ITFG1: variants seen among roughly 807,000 people sequenced by gnomAD.
The protein encoded by ITFG1 is T-cell immunomodulatory protein.
Under a neutral mutation model 81.8 loss-of-function variants are expected in ITFG1, and 34 were observed. The ratio of observed to expected loss-of-function variants is 0.42; its 90% CI spans 0.32 to 0.55. The LOEUF (loss-of-function observed/expected upper bound fraction) is 0.55. Ranked by LOEUF, ITFG1 falls within the 20% of genes least tolerant of loss-of-function variation. ITFG1 has a pLI of 0.17. For synonymous variants in ITFG1, 285 were observed against 270.6 expected (o/e 1.05, Z -0.52); for missense variants, 672 against 755.4 (o/e 0.89, Z 1.29).
chr16:47,255,729 A>G lies in ITFG1; in HGVS notation c.1330+2903T>C, dbSNP rs186641403. Among the ~76,000 whole-genome samples the G allele has an allele frequency of 3.7e-4, 56 of 152,280 alleles. No homozygotes were observed. The East Asian group carries it at 0.011, about 29-fold the overall frequency. The stretch of plus-strand genomic sequence containing the variant: ...GTTAGGCACCCAGCAATCAAAGACA[A>G]ATAAGACAGAGGCTGCTCTTAAGTT... On this transcript the variant is annotated intron_variant, in intron 12 of 17. Transcript: ENST00000320640.
intron 8 of ITFG1, among the ~76,000 whole-genome samples, chr16:47,340,830 C>A (rs1346774912): frequency 6.6e-6 from 1 of 151,826 alleles, no homozygotes; most frequent in Non-Finnish European, 1.5e-5. Flanking sequence ...GGCAACAATG[C>A]CGGAGAGGTT....
In ITFG1 at chr16:47,381,319, T is replaced by A. The variant is rs558007043; in HGVS notation, c.656-5379A>T. Among the ~76,000 whole-genome samples, 9 of 152,344 alleles carry A rather than the reference T, an allele frequency of 5.9e-5. No individual in the cohort carries two copies. In the South Asian group the frequency reaches 1.9e-3, roughly 32 times the overall value. On this transcript the variant is annotated intron_variant, in intron 6 of 17. Coordinates refer to ENST00000320640, the MANE Select transcript of ITFG1 (RefSeq NM_030790.5). ...GAAAATTGTGATTTCAGGCACTATA[T>A]CCTTCAGTGTGATGTCTCAAGTTTT...
At chr16:47,156,685 G>C (rs12051064) in intron 17 of ITFG1, among the ~76,000 whole-genome samples, 52,800 of 152,084 alleles carry the variant, frequency 0.35, 11,438 homozygotes, top group East Asian at 0.74. Context: ...TGAAAAGACA[G>C]GGAAAGCATT....
At chr16:47,438,982 G>A (rs1317220774) in intron 5 of ITFG1, among the ~76,000 whole-genome samples, 1 of 152,110 alleles carries the variant, frequency 6.6e-6, no homozygotes, top group African/African-American at 2.4e-5. Context: ...ATGCAGAGAA[G>A]CCCTTAAAGG....
At chr16:47,397,393 A>G (rs1170963180) in intron 6 of ITFG1, among the ~76,000 whole-genome samples, 1 of 152,206 alleles carries the variant, frequency 6.6e-6, no homozygotes, top group African/African-American at 2.4e-5. Flanking sequence ...CAGAGTGGCT[A>G]ACAAGATAAG....
At chr16:47,214,013 C>A (rs1965596441) in intron 14 of ITFG1, among the ~76,000 whole-genome samples, 1 of 152,112 alleles carries the variant, frequency 6.6e-6, no homozygotes, top group Non-Finnish European at 1.5e-5. Context: ...GATTGGCATC[C>A]AAAGTGGGGA....
chr16:47,334,703 C>T (rs575147866), intron 8 of ITFG1, among the ~76,000 whole-genome samples: 33 of 152,284 alleles, frequency 2.2e-4, no homozygotes, highest in Admixed American at 1.8e-3. Flanking sequence ...GCTCCTTCCC[C>T]ACCCTGAGTT....
intron 7 of ITFG1, among the ~76,000 whole-genome samples, chr16:47,371,139 T>C (rs937342118): frequency 2.0e-5 from 3 of 152,216 alleles, no homozygotes; most frequent in Non-Finnish European, 2.9e-5. Context: ...TCTGGAATTA[T>C]TGTGTACTAA....
chr16:47,443,843 C>A (rs775508406), intron 5 of ITFG1, among the ~76,000 whole-genome samples: 4 of 152,080 alleles, frequency 2.6e-5, no homozygotes, highest in Non-Finnish European at 4.4e-5. Context: ...CACATGTATA[C>A]ATATGTGACA....
intron 14 of ITFG1, among the ~76,000 whole-genome samples, chr16:47,188,622 G>A (rs1324326431): frequency 5.3e-5 from 6 of 114,108 alleles, no homozygotes; most frequent in Non-Finnish European, 9.0e-5. Flanking sequence ...GTGGGGTGGG[G>A]GGAGGGGGGA....
At chr16:47,214,547 C>T (rs895448529) in intron 14 of ITFG1, among the ~76,000 whole-genome samples, 13 of 152,120 alleles carry the variant, frequency 8.5e-5, no homozygotes, top group African/African-American at 3.1e-4. Context: ...GGCTAATTTA[C>T]AAGAGTAGTA....
At chr16:47,302,837 C>G (rs1234755468) in intron 10 of ITFG1, among the ~76,000 whole-genome samples, 1 of 152,182 alleles carries the variant, frequency 6.6e-6, no homozygotes, top group Non-Finnish European at 1.5e-5. Context: ...TGTGCCACAT[C>G]GCCTTGTTAC....
intron 12 of ITFG1, among the ~76,000 whole-genome samples, chr16:47,240,129 G>GA (rs569857397): frequency 0.018 from 1,955 of 107,218 alleles, 44 homozygotes; most frequent in African/African-American, 0.049. Flanking sequence ...CTGTCTACCA[G>GA]AAAAAAAAAA....
chr16:47,248,254 A>C (rs753793325), intron 12 of ITFG1, among the ~76,000 whole-genome samples: 9 of 152,188 alleles, frequency 5.9e-5, no homozygotes, highest in African/African-American at 9.7e-5. Flanking sequence ...CTGAAACTTC[A>C]GAGACCAGCA....
At chr16:47,299,935 T>C (rs1271580961) in intron 10 of ITFG1, 1 of 152,250 alleles carries the variant, frequency 6.6e-6, no homozygotes, top group Non-Finnish European at 1.5e-5. Context: ...GGACTGTGCA[T>C]AGTCTGCTAA....
intron 8 of ITFG1, among the ~76,000 whole-genome samples, chr16:47,319,992 G>A (rs921292145): frequency 1.3e-5 from 2 of 152,072 alleles, no homozygotes; most frequent in African/African-American, 2.4e-5. Context: ...CGCCATCTCC[G>A]CTCACTGCAA....
At chr16:47,191,073 T>C (rs1448699712) in intron 14 of ITFG1, among the ~76,000 whole-genome samples, 1 of 152,190 alleles carries the variant, frequency 6.6e-6, no homozygotes, top group African/African-American at 2.4e-5. Context: ...CAGTGTGGGT[T>C]GGGGCTAATA....
intron 6 of ITFG1, among the ~76,000 whole-genome samples, chr16:47,422,378 C>T (rs1968962107): frequency 6.6e-6 from 1 of 152,144 alleles, no homozygotes; most frequent in African/African-American, 2.4e-5. Context: ...TTCTAACTGG[C>T]ATGAGATGGT....
At chr16:47,273,322 A>G (rs1348878856) in intron 10 of ITFG1, among the ~76,000 whole-genome samples, 1 of 152,102 alleles carries the variant, frequency 6.6e-6, no homozygotes, top group African/African-American at 2.4e-5. Flanking sequence ...AGAAACACAA[A>G]TAAGTCCATT....
Sources: gnomAD v4.1 joint callset for allele counts (sites outside exome capture counted in the v4.1 genomes callset) on GRCh38, gnomAD v4.1.1 for gene constraint, MANE v1.5 for transcripts, NCBI Gene and HGNC (gene_info 2026-07-23, HGNC 2026-07-21) for gene names.